PITPNM2: variants seen among roughly 807,000 people sequenced by gnomAD.
PITPNM2 encodes phosphatidylinositol transfer protein membrane associated 2.
PITPNM2 carries 35 observed loss-of-function variants against 132.2 expected under a neutral mutation model. The ratio of observed to expected loss-of-function variants is 0.26; its 90% CI spans 0.20 to 0.35. The LOEUF is 0.35. Among genes scored for constraint, PITPNM2 ranks in the 10% least tolerant of loss-of-function variants. PITPNM2 has a pLI of 1.00. For missense variants in PITPNM2, 1,332 were observed against 1,912.0 expected (o/e 0.70, Z 5.66); for synonymous variants, 738 against 799.2 (o/e 0.92, Z 1.29).
At chr12:123,057,641 G>T (rs566908190) in intron 2 of PITPNM2, among the ~76,000 whole-genome samples, 49 of 152,290 alleles carry the variant, frequency 3.2e-4, no homozygotes, top group Non-Finnish European at 6.6e-4. Context: ...AAGCTGGGGC[G>T]CCCGGCCAGA....
rs1566234151 is a variant in PITPNM2 at position 122,994,829 on chromosome 12, C to T, written c.2205G>A (p.Leu735=). The change falls in exon 15 of 26, where the codon TTG becomes TTA. Residue 735 remains leucine, a synonymous_variant. Coordinates refer to ENST00000320201, the MANE Select transcript of PITPNM2 (RefSeq NM_020845.3). The surrounding 1 kb of genome is among the most constrained non-coding windows in gnomAD (Gnocchi z 5.4). The part of the protein sequence containing the change: ...FGCPLGLVLA[L]RKTVIPALDV... Reference sequence around the variant, plus strand: ...CCAGGGCTGGGATGACAGTCTTCCTCAAGGCCAGGACCAGCCCCAGCGGGC... The same window carrying T: ...CCAGGGCTGGGATGACAGTCTTCCTTAAGGCCAGGACCAGCCCCAGCGGGC... 4 of 1,611,252 alleles carry T rather than the reference C, an allele frequency of 2.5e-6. No homozygotes were observed. Among genetic ancestry groups the T allele is most frequent in the African/African-American group, 1.3e-5 (1 of 75,030 alleles).
intron 3 of PITPNM2, among the ~76,000 whole-genome samples, chr12:123,024,734 A>C (rs1776124450): frequency 6.6e-6 from 1 of 152,188 alleles, no homozygotes; most frequent in Non-Finnish European, 1.5e-5. Context: ...ATCTATAGAG[A>C]CAGAAAGCAC....
intron 2 of PITPNM2, among the ~76,000 whole-genome samples, chr12:123,048,357 G>C (rs1274435813): frequency 6.6e-6 from 1 of 151,876 alleles, no homozygotes; most frequent in African/African-American, 2.4e-5. Context: ...AAAGTAGAAT[G>C]GTGGGTGCTA....
chr12:123,104,697 G>A (rs904050647), intron 2 of PITPNM2, among the ~76,000 whole-genome samples: 1 of 151,436 alleles, frequency 6.6e-6, no homozygotes, highest in African/African-American at 2.4e-5. Flanking sequence ...ATCTCCCTTC[G>A]CTGACTCTCT....
chr12:123,079,637 G>A (rs562564633), intron 2 of PITPNM2, among the ~76,000 whole-genome samples: 14 of 152,162 alleles, frequency 9.2e-5, no homozygotes, highest in Middle Eastern at 3.4e-3. Context: ...ATGAGCCACC[G>A]TGCCCGGCCT....
At chr12:122,998,248 C>A (rs1045602890) in intron 10 of PITPNM2, among the ~76,000 whole-genome samples, 12 of 152,164 alleles carry the variant, frequency 7.9e-5, no homozygotes, top group Admixed American at 2.6e-4. Context: ...GGGGACGGAG[C>A]CCCAGCACCT....
intron 1 of PITPNM2, among the ~76,000 whole-genome samples, chr12:123,145,990 A>G (rs547809838): frequency 9.2e-5 from 14 of 152,300 alleles, no homozygotes; most frequent in Admixed American, 7.8e-4. Context: ...AAAGAATGAG[A>G]TCATGTCCTT....
intron 3 of PITPNM2, among the ~76,000 whole-genome samples, chr12:123,020,412 T>C (rs760672861): frequency 1.2e-4 from 19 of 152,098 alleles, no homozygotes; most frequent in South Asian, 1.2e-3. Flanking sequence ...TGAGCCACTG[T>C]GCCCGGCCAT....
At chr12:123,041,031 A>C (rs2040453853) in intron 2 of PITPNM2, among the ~76,000 whole-genome samples, 1 of 152,202 alleles carries the variant, frequency 6.6e-6, no homozygotes, top group Non-Finnish European at 1.5e-5. Flanking sequence ...GTGTGTGTGT[A>C]AACAGACAGA....
In PITPNM2 at chr12:122,998,838, C is replaced by T. The variant is rs1278376194; in HGVS notation, c.1225-1266G>A. Among the ~76,000 whole-genome samples the T allele has an allele frequency of 3.9e-5, 6 of 152,062 alleles. No individual in the cohort carries two copies. The South Asian group carries it at 6.2e-4, about 16-fold the overall frequency. ...CTTAACAGGCCACCAGGTGGCTGGG[C>T]GCAGTGGCTCGAGCCTGTAATCCCA... On this transcript the variant is annotated intron_variant, in intron 10 of 25. Coordinates refer to ENST00000320201, the MANE Select transcript of PITPNM2 (RefSeq NM_020845.3).
intron 1 of PITPNM2, among the ~76,000 whole-genome samples, chr12:123,148,825 C>T (rs963556743): frequency 7.2e-5 from 11 of 152,108 alleles, no homozygotes; most frequent in African/African-American, 2.7e-4. Context: ...GTGTGGCAAG[C>T]AAATCAGACT....
intron 3 of PITPNM2, among the ~76,000 whole-genome samples, chr12:123,024,153 A>G (rs542308649): frequency 1.1e-3 from 172 of 152,352 alleles, no homozygotes; most frequent in African/African-American, 3.8e-3. Flanking sequence ...AAGATTATAC[A>G]AATGGTCAAC....
chr12:123,063,340 G>A (rs759332135), intron 2 of PITPNM2, among the ~76,000 whole-genome samples: 1 of 152,236 alleles, frequency 6.6e-6, no homozygotes, highest in Non-Finnish European at 1.5e-5. Flanking sequence ...GGTGGCCTGC[G>A]CCCCTGGCTG....
intron 1 of PITPNM2, among the ~76,000 whole-genome samples, chr12:123,112,689 C>A (rs1012268317): frequency 1.3e-5 from 2 of 152,022 alleles, no homozygotes; most frequent in African/African-American, 4.8e-5. Context: ...CGGCGACTGC[C>A]ACCACGCCTG....
At position 122,993,082 on chromosome 12, in the gene PITPNM2, C is replaced by T. The variant is rs913269625; in HGVS notation, c.2234-413G>A. 6.6e-6 allele frequency among the ~76,000 whole-genome samples: 1 copy of T among 152,220 alleles called. No homozygotes were observed. Among genetic ancestry groups the T allele is most frequent in the South Asian group, 2.1e-4 (1 of 4,832 alleles). ...ACTCAAGTGATCCTCCCACCTGGGC[C>T]TCCCAAAGTGCTGGGATTACAGGCG... is the stretch of plus-strand genomic sequence containing the variant. On this transcript the variant is annotated intron_variant, in intron 15 of 25. Transcript: ENST00000320201. This position sits in a 1 kb window ranked among gnomAD's most constrained non-coding sequence, Gnocchi z 5.2.
At chr12:123,122,140 C>T (rs1307222048) in intron 1 of PITPNM2, among the ~76,000 whole-genome samples, 1 of 152,178 alleles carries the variant, frequency 6.6e-6, no homozygotes, top group African/African-American at 2.4e-5. Flanking sequence ...TTCCTCCTGC[C>T]CCCAGCTCCC....
In PITPNM2 at chr12:122,988,829, C is replaced by T; in HGVS notation, c.2775G>A (p.Leu925=). The T allele has an allele frequency of 3.2e-6, 5 of 1,583,240 alleles. No homozygotes were observed. The highest frequency in any genetic ancestry group is 1.2e-5 in the South Asian group (1 of 86,560). The change falls in exon 19 of 26, where the codon CTG becomes CTA. Residue 925 remains leucine (L), a synonymous_variant. Transcript: ENST00000320201. ...WWGQKRIDYA[L]YCPDALTAFP... ...AGGCCGTGAGGGCGTCAGGGCAGTA[C>T]AGGGCGTAGTCGATCCGCTTCTGGC... is the stretch of plus-strand genomic sequence containing the variant.
In PITPNM2 at chr12:122,992,417, C is replaced by T. The variant is rs1243181686; in HGVS notation, c.2404+82G>A. ...GTCCCTCTCACCTGGGGAAGAACCA[C>T]GTAGCATGGAGGACCTAGGAGCCAG... On this transcript the variant is annotated intron_variant, in intron 16 of 25. Transcript: ENST00000320201. This position sits in a 1 kb window ranked among gnomAD's most constrained non-coding sequence, Gnocchi z 6.5. 7.9e-5 allele frequency: 117 copies of T among 1,487,438 alleles called. No homozygotes were observed. The East Asian group carries it at 9.5e-4, about 12-fold the overall frequency. The allele number at this position is 1,487,438 out of a possible 1,614,324, so 92.1% of individuals were successfully genotyped here.
chr12:122,997,682 CCTCT>C (rs1231474481), intron 10 of PITPNM2, 110 bp from the exon 11 acceptor site: 4 of 1,430,814 alleles, frequency 2.8e-6, no homozygotes, highest in East Asian at 2.3e-5. Flanking sequence ...CCAACTGCTC[CCTCT>C]GAGAACCCCA....
Sources: gnomAD v4.1 joint callset for allele counts (sites outside exome capture counted in the v4.1 genomes callset) on GRCh38, gnomAD v4.1.1 for gene constraint, Gnocchi (gnomAD v3.1) non-coding constraint, MANE v1.5 for transcripts, NCBI Gene and HGNC (gene_info 2026-07-23, HGNC 2026-07-21) for gene names.